The following ENO1 variants were observed in gnomAD, a reference collection of about 807,000 sequenced individuals.
The protein encoded by ENO1 is enolase 1.
A neutral mutation model predicts 46.3 loss-of-function variants in ENO1; 33 were observed. The observed-to-expected ratio is 0.71, with a 90% CI of 0.54 to 0.95. ENO1 has a LOEUF of 0.95. Among genes scored for constraint, ENO1 ranks in the 40% least tolerant of loss-of-function variants. ENO1 has a pLI of 0.00. For missense variants in ENO1, 488 were observed against 553.3 expected, an observed-to-expected ratio of 0.88 and a Z score of 1.18; for synonymous variants, 220 against 216.0, an observed-to-expected ratio of 1.02 and a Z score of -0.16.
intron 3 of ENO1, chr1:8,871,077 G>A (rs1035190227): frequency 1.1e-5 from 13 of 1,223,458 alleles, no homozygotes; most frequent in South Asian, 8.3e-5. Context: ...ATCCTGCTCC[G>A]GCTAAGTCCC....
Position 8,863,204 on chromosome 1 carries a change from AGAG to A in ENO1, c.1176+28_1176+30del, listed in dbSNP as rs762734833. On this transcript the variant is annotated intron_variant, in intron 10 of 11. Transcript: ENST00000234590. ...TGGGTCTTCCTAGGAAGTTGAGGTC[AGAG>A]AAGAAAGGAGGAGACGCTCATTCTT... 8.7e-6 allele frequency: 14 copies of A among 1,611,280 alleles called. 1 individual carries two copies. In the South Asian group the frequency reaches 1.4e-4, roughly 16 times the overall value.
At chr1:8,868,966 G>A (rs553320358) in intron 4 of ENO1, among the ~76,000 whole-genome samples, 3 of 152,222 alleles carry the variant, frequency 2.0e-5, no homozygotes, top group East Asian at 3.9e-4. Flanking sequence ...GGAATTACAG[G>A]CGTTAGCCAC....
chr1:8,869,301 G>T (rs547873467), intron 4 of ENO1, among the ~76,000 whole-genome samples: 2 of 151,072 alleles, frequency 1.3e-5, no homozygotes, highest in Admixed American at 1.3e-4. Context: ...AGAGAACAAG[G>T]TATGTGTGGA....
At chr1:8,871,846 G>A in intron 3 of ENO1, 45 bp downstream of exon 3, 1 of 1,595,580 alleles carries the variant, frequency 6.3e-7, no homozygotes, top group Non-Finnish European at 8.6e-7. Context: ...GCCAGGAATG[G>A]GGCTGGAAGC....
chr1:8,863,970 T>C lies in ENO1; in HGVS notation c.988A>G (p.Lys330Glu). Reference protein sequence around the residue: ...LTVTNPKRIAKAVNEKSCNCL... With the variant: ...LTVTNPKRIAEAVNEKSCNCL... ...TTGCAGGACTTCTCGTTCACGGCCT[T>C]GGCGATCCTCTTTGGGTTGGTCACT... The change falls in exon 9 of 12, where the codon AAG (lysine) becomes GAG (glutamate). Residue 330 changes from lysine (K) to glutamate (E), a missense_variant. Lys to Glu is a moderately conservative substitution (Grantham distance 56). Transcript: ENST00000234590. 1 of 1,614,140 alleles carries C rather than the reference T, an allele frequency of 6.2e-7. No individual in the cohort carries two copies. The highest frequency in any genetic ancestry group is 1.6e-4 in the Middle Eastern group (1 of 6,062).
Position 8,865,447 on chromosome 1 carries a change from C to T in ENO1, c.703G>A (p.Gly235Ser). 6.2e-7 allele frequency: 1 copy of T among 1,613,574 alleles called. No individual in the cohort carries two copies. Among genetic ancestry groups the T allele is most frequent in the Non-Finnish European group, 8.5e-7 (1 of 1,180,030 alleles). ...CCGATGACCACCTTATCAGTGTAGC[C>T]AGCTTTCCCAATAGCAGTCTTCAGC... ...ELLKTAIGKA[G>S]YTDKVVIGMD... Residue 235 changes from glycine (G) to serine (S), a missense_variant, in exon 8 of 12, where the codon GGC (glycine) becomes AGC (serine). Physicochemically the swap from Gly to Ser is moderately conservative, Grantham distance 56. Coordinates refer to ENST00000234590, the MANE Select transcript of ENO1 (RefSeq NM_001428.5).
At chr1:8,865,870 A>G (rs2781067) in intron 7 of ENO1, 271,317 of 326,422 alleles carry the variant, frequency 0.83, 113,594 homozygotes, top group East Asian at 0.94. Flanking sequence ...GCAGCCCGGG[A>G]TGGCAGGATC....
chr1:8,870,277 G>A, intron 4 of ENO1, 175 bp downstream of exon 4: 2 of 714,818 alleles, frequency 2.8e-6, no homozygotes, highest in South Asian at 2.1e-5. Flanking sequence ...AAAGTGGGGT[G>A]AGGCAGCGGG....
chr1:8,872,437 GTA>G (rs1377267066), intron 2 of ENO1, among the ~76,000 whole-genome samples: 2 of 149,428 alleles, frequency 1.3e-5, no homozygotes, highest in Non-Finnish European at 2.9e-5. Context: ...AGGCTAGAGT[GTA>G]TGGCGTGATC....
intron 4 of ENO1, chr1:8,870,227 G>A (rs954191061): frequency 9.1e-6 from 5 of 551,378 alleles, no homozygotes; most frequent in Non-Finnish European, 1.3e-5. Context: ...CTCAGGGCTC[G>A]AAGTGTCTCA....
intron 6 of ENO1, among the ~76,000 whole-genome samples, chr1:8,866,841 C>A (rs556114683): frequency 2.0e-4 from 31 of 152,328 alleles, no homozygotes; most frequent in African/African-American, 7.5e-4. Context: ...GCAAATTCAT[C>A]ATCACCAGGA....
chr1:8,871,116 G>A lies in ENO1; in HGVS notation c.182-606C>T, dbSNP rs1027407950. ...GTACGCCATTAAACAACGGTCAAAT[G>A]GTAACATGTTCGTGTGTGTAGAGTG... is the stretch of plus-strand genomic sequence containing the variant. On this transcript the variant is annotated intron_variant, in intron 3 of 11. Coordinates refer to ENST00000234590, the MANE Select transcript of ENO1 (RefSeq NM_001428.5). 2.2e-5 allele frequency: 26 copies of A among 1,188,846 alleles called. No individual in the cohort carries two copies. The African/African-American group carries it at 3.6e-4, about 17-fold the overall frequency. The allele number at this position is 1,188,846 out of a possible 1,614,324, so 73.6% of individuals were successfully genotyped here. A position where few individuals can be genotyped will look rare whatever the true frequency, so the allele number is the denominator to read the frequency against.
chr1:8,863,087 C>T, intron 10 of ENO1, 142 bp from the exon 11 acceptor site: 1 of 1,336,402 alleles, frequency 7.5e-7, no homozygotes, highest in Non-Finnish European at 1.0e-6. Context: ...AGGCAGGGCG[C>T]TCATGCCCCC....
chr1:8,867,913 C>G (rs1642557105), intron 5 of ENO1, 75 bp downstream of exon 5: 4 of 1,342,020 alleles, frequency 3.0e-6, no homozygotes, highest in Non-Finnish European at 4.3e-6. Flanking sequence ...TCATGGGCCT[C>G]TTCCTGAAAG....
intron 11 of ENO1, 108 bp downstream of exon 11, chr1:8,862,779 G>A (rs1023769452): frequency 9.3e-6 from 12 of 1,289,106 alleles, no homozygotes; most frequent in Middle Eastern, 1.9e-4. Flanking sequence ...ACCTGCACCT[G>A]TACATGTTCC....
chr1:8,861,862 C>A (rs1247351446), intron 11 of ENO1, among the ~76,000 whole-genome samples: 3 of 124,280 alleles, frequency 2.4e-5, no homozygotes, highest in Non-Finnish European at 4.8e-5. Flanking sequence ...AATGTGTGAG[C>A]TGTTTGGATC....
At chr1:8,867,890 C>G (rs1642556556) in intron 5 of ENO1, 98 bp downstream of exon 5, 1 of 1,059,568 alleles carries the variant, frequency 9.4e-7, no homozygotes, top group South Asian at 1.4e-5. Flanking sequence ...GCTCATGTAG[C>G]TCATCACTAA....
chr1:8,873,819 C>T (rs1185154865), intron 2 of ENO1: 2 of 152,282 alleles, frequency 1.3e-5, no homozygotes, highest in Non-Finnish European at 2.9e-5. Flanking sequence ...AGTTTAGCAC[C>T]GCTGAGTGAT....
chr1:8,874,673 T>A, intron 2 of ENO1, 151 bp downstream of exon 2: 5 of 411,576 alleles, frequency 1.2e-5, no homozygotes, highest in African/African-American at 2.2e-5. Context: ...TCCCCAACCC[T>A]CACAGTCAGG....
Sources: allele counts gnomAD v4.1 joint callset (sites outside exome capture counted in the v4.1 genomes callset), GRCh38; gene constraint gnomAD v4.1.1; transcripts MANE v1.5; gene names NCBI Gene and HGNC (gene_info 2026-07-23, HGNC 2026-07-21).